The following ERC1 variants were observed in gnomAD, a reference collection of about 807,000 sequenced individuals.
ERC1 encodes RAB6 interacting protein 2.
ERC1 carries 56 observed loss-of-function variants against 132.0 expected under a neutral mutation model. The ratio of observed to expected loss-of-function variants is 0.42; its 90% CI spans 0.34 to 0.53. The LOEUF is 0.53. Among genes scored for constraint, ERC1 ranks in the 20% least tolerant of loss-of-function variants. The probability of loss-of-function intolerance (pLI) is 0.03; values close to 1 mark genes in which losing one functional copy is unlikely to be tolerated. For missense variants in ERC1, 1,202 were observed against 1,349.9 expected, an observed-to-expected ratio of 0.89 and a Z score of 1.72; for synonymous variants, 478 against 476.1, an observed-to-expected ratio of 1.00 and a Z score of -0.05.
intron 17 of ERC1, chr12:1,430,658 G>T (rs2092769317): frequency 6.6e-6 from 1 of 152,534 alleles, no homozygotes; most frequent in East Asian, 1.9e-4. Context: ...GGAATTACAG[G>T]CATGAGCCAC....
chr12:1,333,044 G>T (rs997294732), intron 15 of ERC1, among the ~76,000 whole-genome samples: 1 of 145,456 alleles, frequency 6.9e-6, no homozygotes, highest in Non-Finnish European at 1.6e-5. Context: ...CCTGATCCTC[G>T]TCCTGATCCT....
At chr12:1,306,480 A>G (rs533274259) in intron 15 of ERC1, among the ~76,000 whole-genome samples, 1 of 152,328 alleles carries the variant, frequency 6.6e-6, no homozygotes, top group African/African-American at 2.4e-5. Context: ...ACTGTATTGG[A>G]AAACATTTCT....
At chr12:1,144,736 G>A (rs1337124676) in intron 8 of ERC1, among the ~76,000 whole-genome samples, 2 of 150,916 alleles carry the variant, frequency 1.3e-5, no homozygotes, top group Non-Finnish European at 2.9e-5. Context: ...TTGGAATTGC[G>A]AATGTGCTAT....
chr12:1,039,287 A>G (rs999158407), intron 2 of ERC1, among the ~76,000 whole-genome samples: 1 of 151,476 alleles, frequency 6.6e-6, no homozygotes, highest in African/African-American at 2.4e-5. Flanking sequence ...CAGTCAGCCG[A>G]AATCGCACCA....
chr12:1,338,957 A>G (rs971960328), intron 15 of ERC1, among the ~76,000 whole-genome samples: 1 of 152,198 alleles, frequency 6.6e-6, no homozygotes, highest in Non-Finnish European at 1.5e-5. Flanking sequence ...ACTGGTCACT[A>G]CACTCTAATG....
rs538116662 is a variant in ERC1, at chr12:998,295, T to A, written c.-157+6973T>A. On this transcript the variant is annotated intron_variant, in intron 1 of 18. Coordinates refer to ENST00000360905, the MANE Select transcript of ERC1 (RefSeq NM_178040.4). ...ATTGGCTATATAACAAATTACCCCCTAACTTAAGAAACATTTATTGTTTCA... is the reference window on the plus strand; with the variant it reads ...ATTGGCTATATAACAAATTACCCCCAAACTTAAGAAACATTTATTGTTTCA... The A allele has an allele frequency of 2.0e-5, 3 of 152,344 alleles. No individual in the cohort carries two copies. The South Asian group carries it at 6.2e-4, about 32-fold the overall frequency. 9.4% of individuals were successfully genotyped at this position (152,344 alleles called of 1,614,324 possible).
intron 15 of ERC1, among the ~76,000 whole-genome samples, chr12:1,333,891 T>C (rs74446604): frequency 2.2e-4 from 34 of 152,310 alleles, no homozygotes; most frequent in African/African-American, 7.9e-4. Context: ...GTGTTCAGGT[T>C]CCTTTTCCCA....
At chr12:1,042,345 T>TG (rs1189488130) in intron 2 of ERC1, among the ~76,000 whole-genome samples, 1 of 142,756 alleles carries the variant, frequency 7.0e-6, no homozygotes, top group Non-Finnish European at 1.5e-5. Context: ...CCTGTTTTTT[T>TG]TTTTTTTTTT....
chr12:1,375,014 G>GGGCGTGA (rs2087721853), intron 16 of ERC1, among the ~76,000 whole-genome samples: 1 of 152,026 alleles, frequency 6.6e-6, no homozygotes, highest in South Asian at 2.1e-4. Context: ...GTAGGCGTGA[G>GGGCGTGA]GGATACAAAA....
In ERC1 at chr12:1,492,680, CTG is replaced by C. The variant is rs1428215834; in HGVS notation, c.*2453_*2454del. The C allele has an allele frequency of 1.3e-5, 3 of 232,868 alleles. No homozygotes were observed. Among genetic ancestry groups the C allele is most frequent in the East Asian group, 6.0e-5 (1 of 16,576 alleles). The allele number at this position is 232,868 out of a possible 1,614,324, so 14.4% of individuals were successfully genotyped here. The stretch of plus-strand genomic sequence containing the variant: ...GGGACCGATATCATCTGTCTGGTCT[CTG>C]TGAACAGCAAGGAATCTTCTTGACC... On this transcript the variant is annotated 3_prime_UTR_variant, in exon 19 of 19. Transcript: ENST00000360905.
chr12:1,285,128 A>G (rs1006103495), intron 14 of ERC1, among the ~76,000 whole-genome samples: 1 of 152,220 alleles, frequency 6.6e-6, no homozygotes, highest in African/African-American at 2.4e-5. Context: ...TAAACATGAC[A>G]GACTTGATGC....
At chr12:1,116,275 T>C in intron 7 of ERC1, 1 of 352,690 alleles carries the variant, frequency 2.8e-6, no homozygotes, top group Non-Finnish European at 5.1e-6. Flanking sequence ...GCCAAGTCTG[T>C]ACTTCAAAGT....
chr12:1,364,872 T>C (rs1326955164), intron 15 of ERC1, among the ~76,000 whole-genome samples: 1 of 152,210 alleles, frequency 6.6e-6, no homozygotes. Context: ...GATCTATAAT[T>C]TTTTAGCTTT....
At chr12:1,366,270 A>G (rs1008479683) in intron 15 of ERC1, among the ~76,000 whole-genome samples, 2 of 152,256 alleles carry the variant, frequency 1.3e-5, no homozygotes, top group East Asian at 1.9e-4. Flanking sequence ...CCAATAAACC[A>G]GAAACATTAA....
chr12:1,206,404 T>C (rs1449221922), intron 12 of ERC1, among the ~76,000 whole-genome samples: 1 of 152,092 alleles, frequency 6.6e-6, no homozygotes, highest in African/African-American at 2.4e-5. Flanking sequence ...TGCTTAGCTG[T>C]AGTATTTGTA....
chr12:1,057,646 A>G (rs1202385355), intron 2 of ERC1, among the ~76,000 whole-genome samples: 12 of 119,814 alleles, frequency 1.0e-4, no homozygotes, highest in African/African-American at 3.9e-4. Flanking sequence ...GCCAGGCTGA[A>G]GTGCAGTGGC....
chr12:1,119,806 A>G (rs1162083480), intron 7 of ERC1, among the ~76,000 whole-genome samples: 1 of 151,730 alleles, frequency 6.6e-6, no homozygotes, highest in Non-Finnish European at 1.5e-5. Flanking sequence ...CTCCTCAGCC[A>G]CCCAAAGTGC....
At chr12:1,444,870 C>T in intron 18 of ERC1, 120 bp downstream of exon 18, 1 of 803,846 alleles carries the variant, frequency 1.2e-6, no homozygotes, top group Non-Finnish European at 1.9e-6. Flanking sequence ...GTGGGGGCTA[C>T]CTTGGGGAAT....
intron 18 of ERC1, among the ~76,000 whole-genome samples, chr12:1,448,317 C>T (rs1406881807): frequency 2.0e-5 from 3 of 152,182 alleles, no homozygotes; most frequent in South Asian, 4.1e-4. Flanking sequence ...AGACCTGGGT[C>T]ATCTACAGAG....
Sources: allele counts gnomAD v4.1 joint callset (sites outside exome capture counted in the v4.1 genomes callset), GRCh38; gene constraint gnomAD v4.1.1; transcripts MANE v1.5; gene names NCBI Gene and HGNC (gene_info 2026-07-23, HGNC 2026-07-21).